The following FHIT variants were observed in gnomAD, a reference collection of about 807,000 sequenced individuals.
The protein encoded by FHIT is bis(5'-adenosyl)-triphosphatase.
In FHIT, 19 loss-of-function variants were observed where a neutral mutation model predicts 17.9. The observed-to-expected ratio is 1.06, with a 90% CI of 0.74 to 1.56. The LOEUF is 1.56. Ranked by LOEUF, FHIT falls within the 40% of genes most tolerant of loss-of-function variation. FHIT has a pLI of 0.00. For synonymous variants in FHIT, 81 were observed against 69.7 expected (o/e 1.16, Z -0.81); for missense variants, 248 against 189.2 (o/e 1.31, Z -1.82).
At position 60,240,754 on chromosome 3, in the gene FHIT, A is replaced by G. The variant is rs572978573; in HGVS notation, c.104-226602T>C. ...TTTGTTTGTGGAGACAAAGTCCTCAACAGCTGGCAGATAGCAGGAAGTAGA... is the reference window on the plus strand; with the variant it reads ...TTTGTTTGTGGAGACAAAGTCCTCAGCAGCTGGCAGATAGCAGGAAGTAGA... On this transcript the variant is annotated intron_variant, in intron 5 of 9. Coordinates refer to ENST00000492590, the MANE Select transcript of FHIT (RefSeq NM_002012.4). Among the ~76,000 whole-genome samples, 4 of 152,294 alleles carry G rather than the reference A, an allele frequency of 2.6e-5. No homozygotes were observed. The South Asian group carries it at 6.2e-4, about 24-fold the overall frequency.
At chr3:60,975,025 G>A (rs1271762403) in intron 3 of FHIT, among the ~76,000 whole-genome samples, 2 of 152,106 alleles carry the variant, frequency 1.3e-5, no homozygotes, top group Non-Finnish European at 2.9e-5. Flanking sequence ...TTAAGTTATG[G>A]TTACTGATGG....
At chr3:61,209,627 G>A (rs144778766) in intron 1 of FHIT, among the ~76,000 whole-genome samples, 2,906 of 152,078 alleles carry the variant, frequency 0.019, 81 homozygotes, top group African/African-American at 0.065. Context: ...TTGTGCGTTC[G>A]TCACGTGGTT....
chr3:59,885,805 T>C (rs1703599067), intron 8 of FHIT, among the ~76,000 whole-genome samples: 1 of 152,180 alleles, frequency 6.6e-6, no homozygotes, highest in Non-Finnish European at 1.5e-5. Flanking sequence ...ATACTGGGAA[T>C]TGCAAGCACG....
At chr3:60,455,681 C>G (rs1356616631) in intron 5 of FHIT, among the ~76,000 whole-genome samples, 1 of 151,714 alleles carries the variant, frequency 6.6e-6, no homozygotes, top group African/African-American at 2.4e-5. Flanking sequence ...GTTATGCAAC[C>G]TACATGGGAA....
chr3:60,405,863 C>G (rs1171590301), intron 5 of FHIT, among the ~76,000 whole-genome samples: 4 of 152,188 alleles, frequency 2.6e-5, no homozygotes, highest in Non-Finnish European at 5.9e-5. Context: ...CTAGACAACT[C>G]TTTGTTGTCT....
At chr3:60,832,259 T>C (rs1327415240) in intron 3 of FHIT, among the ~76,000 whole-genome samples, 2 of 152,182 alleles carry the variant, frequency 1.3e-5, no homozygotes, top group East Asian at 1.9e-4. Context: ...TCTATTGTTT[T>C]GATTCCTGTT....
chr3:60,943,758 A>G (rs1575730176), intron 3 of FHIT, among the ~76,000 whole-genome samples: 1 of 152,194 alleles, frequency 6.6e-6, no homozygotes, highest in East Asian at 1.9e-4. Context: ...AGCTGTTCTC[A>G]ATAAATAATT....
intron 2 of FHIT, among the ~76,000 whole-genome samples, chr3:61,079,187 A>G (rs1277214045): frequency 1.3e-5 from 2 of 152,210 alleles, no homozygotes; most frequent in East Asian, 3.8e-4. Context: ...AGCAAGTTGT[A>G]CAACTGAGAT....
chr3:60,603,586 TAA>T lies in FHIT; in HGVS notation c.-17-66609_-17-66608del, dbSNP rs2038512946. 1.3e-5 allele frequency among the ~76,000 whole-genome samples: 2 copies of T among 152,110 alleles called. 1 individual carries two copies. The highest frequency in any genetic ancestry group is 4.1e-4 in the South Asian group (2 of 4,828). On this transcript the variant is annotated intron_variant, in intron 4 of 9. Transcript: ENST00000492590. ...TGCCTACATTTTTTAATGATGAGCA[TAA>T]GTCACTTGTAAAAATATACAATCAC...
chr3:59,803,874 C>T (rs1175199590), intron 8 of FHIT, among the ~76,000 whole-genome samples: 2 of 151,836 alleles, frequency 1.3e-5, no homozygotes, highest in East Asian at 1.9e-4. Flanking sequence ...CCTGAACATC[C>T]GGGGCATGTA....
intron 5 of FHIT, among the ~76,000 whole-genome samples, chr3:60,305,623 G>C (rs1708635644): frequency 6.6e-6 from 1 of 152,076 alleles, no homozygotes; most frequent in African/African-American, 2.4e-5. Flanking sequence ...TCTTTAAACT[G>C]TCTAGGAAGA....
chr3:60,317,371 A>G (rs1709209584), intron 5 of FHIT, among the ~76,000 whole-genome samples: 1 of 151,722 alleles, frequency 6.6e-6, no homozygotes, highest in Non-Finnish European at 1.5e-5. Flanking sequence ...AGTAAAATAA[A>G]ACAATCCCTT....
intron 1 of FHIT, among the ~76,000 whole-genome samples, chr3:61,237,492 T>G (rs1309492674): frequency 2.0e-5 from 3 of 152,242 alleles, no homozygotes; most frequent in East Asian, 3.8e-4. Context: ...AACTGATGAT[T>G]TCTACATTTA....
At chr3:60,162,555 A>G (rs1471116426) in intron 5 of FHIT, among the ~76,000 whole-genome samples, 1 of 152,120 alleles carries the variant, frequency 6.6e-6, no homozygotes, top group Non-Finnish European at 1.5e-5. Context: ...TGATAGTGCT[A>G]TTTGTTAAAT....
chr3:61,150,871 G>A (rs1349219575), intron 2 of FHIT, among the ~76,000 whole-genome samples: 1 of 152,048 alleles, frequency 6.6e-6, no homozygotes, highest in Non-Finnish European at 1.5e-5. Context: ...GAGAGAAATA[G>A]GCCTAGCACC....
intron 2 of FHIT, among the ~76,000 whole-genome samples, chr3:61,057,403 G>A (rs1559947552): frequency 6.6e-6 from 1 of 152,126 alleles, no homozygotes; most frequent in Non-Finnish European, 1.5e-5. Flanking sequence ...GTTGGTCACA[G>A]TGAAAGCTGG....
chr3:60,163,791 C>A (rs1701039952), intron 5 of FHIT, among the ~76,000 whole-genome samples: 1 of 152,188 alleles, frequency 6.6e-6, no homozygotes, highest in Non-Finnish European at 1.5e-5. Context: ...GTTCTGACAA[C>A]CAGAAATGCC....
chr3:59,861,231 G>A (rs9863246), intron 8 of FHIT, among the ~76,000 whole-genome samples: 2,554 of 152,184 alleles, frequency 0.017, 75 homozygotes, highest in African/African-American at 0.058. Context: ...TGGCAAACAT[G>A]GACACCAACA....
chr3:60,214,144 T>C (rs931762889), intron 5 of FHIT, among the ~76,000 whole-genome samples: 1 of 152,164 alleles, frequency 6.6e-6, no homozygotes, highest in African/African-American at 2.4e-5. Flanking sequence ...TCATCCTCTT[T>C]CTTATTTGAG....
Sources: allele counts gnomAD v4.1 joint callset (sites outside exome capture counted in the v4.1 genomes callset), GRCh38; gene constraint gnomAD v4.1.1; transcripts MANE v1.5; gene names NCBI Gene and HGNC (gene_info 2026-07-23, HGNC 2026-07-21).